The following EPHA6 variants were observed in gnomAD, a reference collection of about 807,000 sequenced individuals.
EPHA6 encodes ephrin type-A receptor 6.
EPHA6 carries 50 observed loss-of-function variants against 112.0 expected under a neutral mutation model. The observed-to-expected ratio is 0.45, with a 90% CI of 0.36 to 0.56. The LOEUF (loss-of-function observed/expected upper bound fraction) is 0.56. Among genes scored for constraint, EPHA6 ranks in the 20% least tolerant of loss-of-function variants. The pLI is 0.00. For missense variants in EPHA6, 1,280 were observed against 1,417.4 expected (o/e 0.90, Z 1.56); for synonymous variants, 529 against 490.7 (o/e 1.08, Z -1.03).
At chr3:97,641,724 T>A (rs1002975968) in intron 14 of EPHA6, among the ~76,000 whole-genome samples, 1 of 152,192 alleles carries the variant, frequency 6.6e-6, no homozygotes, top group African/African-American at 2.4e-5. Context: ...ATATTGCGCT[T>A]TTCAGACCGG....
At chr3:96,869,205 T>C (rs1255138239) in intron 2 of EPHA6, among the ~76,000 whole-genome samples, 2 of 151,982 alleles carry the variant, frequency 1.3e-5, no homozygotes, top group Non-Finnish European at 2.9e-5. Flanking sequence ...CTAAGACAGA[T>C]TTTTCTACCC....
At chr3:97,053,460 A>T (rs940244454) in intron 3 of EPHA6, among the ~76,000 whole-genome samples, 1 of 152,138 alleles carries the variant, frequency 6.6e-6, no homozygotes, top group Admixed American at 6.6e-5. Context: ...CACAGTAGAC[A>T]CTTAAAAATG....
intron 5 of EPHA6, among the ~76,000 whole-genome samples, chr3:97,248,385 A>T (rs1005888109): frequency 1.8e-4 from 27 of 152,060 alleles, no homozygotes; most frequent in African/African-American, 6.5e-4. Context: ...TCAGTGCATG[A>T]TAGGAAAACG....
At chr3:96,987,172 T>A (rs1337113413) in intron 2 of EPHA6, among the ~76,000 whole-genome samples, 158 bp from the exon 3 acceptor site, 1 of 152,210 alleles carries the variant, frequency 6.6e-6, no homozygotes, top group Non-Finnish European at 1.5e-5. Context: ...AACTAAAGGC[T>A]CATGGTTAAA....
At position 96,953,547 on chromosome 3, in the gene EPHA6, C is replaced by A. The variant is rs139997652; in HGVS notation, c.451-33783C>A. ...CATTTATAGAAGAAACTTGACTTTT[C>A]TCTTTCCAAGTCTTCTTTTTAAACA... On this transcript the variant is annotated intron_variant, in intron 2 of 17. Transcript: ENST00000389672. Among the ~76,000 whole-genome samples, 379 of 152,246 alleles carry A rather than the reference C, an allele frequency of 2.5e-3. 1 individual carries two copies. The highest frequency in any genetic ancestry group is 4.2e-3 in the Non-Finnish European group (288 of 67,996).
intron 2 of EPHA6, among the ~76,000 whole-genome samples, chr3:96,881,163 C>G (rs753558869): frequency 1.1e-4 from 16 of 152,238 alleles, no homozygotes; most frequent in South Asian, 8.3e-4. Context: ...TCCAGTTCCT[C>G]CCTATCCTCA....
At chr3:96,864,390 T>C (rs2036185877) in intron 1 of EPHA6, among the ~76,000 whole-genome samples, 2 of 152,064 alleles carry the variant, frequency 1.3e-5, no homozygotes, top group Non-Finnish European at 2.9e-5. Flanking sequence ...AGTTGAAACA[T>C]GCAGTGACAT....
At chr3:96,827,143 A>G (rs1405386733) in intron 1 of EPHA6, among the ~76,000 whole-genome samples, 1 of 152,112 alleles carries the variant, frequency 6.6e-6, no homozygotes, top group Non-Finnish European at 1.5e-5. Flanking sequence ...AAGAATGGGC[A>G]TCTGGCTTTA....
chr3:97,186,769 A>C (rs984966104), intron 3 of EPHA6, among the ~76,000 whole-genome samples: 1 of 152,066 alleles, frequency 6.6e-6, no homozygotes, highest in Non-Finnish European at 1.5e-5. Context: ...TTGTGACCTC[A>C]TGACTTCTTA....
chr3:97,392,075 G>T (rs530300260), intron 5 of EPHA6, among the ~76,000 whole-genome samples: 13 of 151,896 alleles, frequency 8.6e-5, no homozygotes, highest in Non-Finnish European at 1.3e-4. Context: ...GTGTCTTCAC[G>T]TAAATTGAAG....
At chr3:97,116,476 T>G (rs908030859) in intron 3 of EPHA6, among the ~76,000 whole-genome samples, 1 of 151,642 alleles carries the variant, frequency 6.6e-6, no homozygotes, top group Non-Finnish European at 1.5e-5. Flanking sequence ...TAACAAAAAC[T>G]TTATACTCTT....
intron 11 of EPHA6, among the ~76,000 whole-genome samples, chr3:97,579,406 T>C (rs2093417098): frequency 6.6e-6 from 1 of 152,200 alleles, no homozygotes; most frequent in African/African-American, 2.4e-5. Flanking sequence ...CTCTTAATGA[T>C]TGAGATTGAG....
intron 5 of EPHA6, among the ~76,000 whole-genome samples, chr3:97,391,727 T>C (rs1183225713): frequency 1.3e-5 from 2 of 151,772 alleles, no homozygotes; most frequent in East Asian, 3.9e-4. Context: ...CCATCTGAAG[T>C]TATCAAAGAA....
intron 14 of EPHA6, among the ~76,000 whole-genome samples, chr3:97,694,896 T>G (rs1242366177): frequency 1.3e-5 from 2 of 152,248 alleles, no homozygotes; most frequent in East Asian, 3.9e-4. Flanking sequence ...TTGACCTTCA[T>G]GCGAATTCCA....
intron 5 of EPHA6, among the ~76,000 whole-genome samples, chr3:97,268,890 C>G (rs2079786329): frequency 6.6e-6 from 1 of 152,034 alleles, no homozygotes; most frequent in African/African-American, 2.4e-5. Flanking sequence ...TAAATTTTCT[C>G]TATATTTTTC....
At chr3:97,469,668 T>A (rs4857059) in intron 7 of EPHA6, among the ~76,000 whole-genome samples, 28,736 of 151,516 alleles carry the variant, frequency 0.19, 4,111 homozygotes, top group African/African-American at 0.38. Context: ...AGAGAATTGG[T>A]TGAGGGCTGA....
At chr3:96,888,328 A>G (rs898487909) in intron 2 of EPHA6, among the ~76,000 whole-genome samples, 6 of 152,100 alleles carry the variant, frequency 3.9e-5, no homozygotes, top group African/African-American at 1.4e-4. Flanking sequence ...AAAGTCAGAA[A>G]CTTCTCCCAC....
intron 3 of EPHA6, among the ~76,000 whole-genome samples, chr3:96,991,641 A>C (rs772453627): frequency 1.3e-4 from 20 of 152,286 alleles, no homozygotes; most frequent in Middle Eastern, 3.4e-3. Context: ...GATTCTCCTG[A>C]TTAATGTCCC....
At chr3:97,144,208 A>G (rs537910846) in intron 3 of EPHA6, among the ~76,000 whole-genome samples, 1 of 151,746 alleles carries the variant, frequency 6.6e-6, no homozygotes, top group Admixed American at 6.6e-5. Flanking sequence ...CAGGGTTAGT[A>G]TAGGTATACT....
Sources: gnomAD v4.1 joint callset for allele counts (sites outside exome capture counted in the v4.1 genomes callset) on GRCh38, gnomAD v4.1.1 for gene constraint, MANE v1.5 for transcripts, NCBI Gene and HGNC (gene_info 2026-07-23, HGNC 2026-07-21) for gene names.